The following OXR1 variants were observed in gnomAD, a reference collection of about 807,000 sequenced individuals.
The protein encoded by OXR1 is oxidation resistance 1.
Under a neutral mutation model 104.6 loss-of-function variants are expected in OXR1, and 41 were observed. The observed-to-expected ratio is 0.39, with a 90% confidence interval of 0.31 to 0.51. The LOEUF (loss-of-function observed/expected upper bound fraction) is 0.51. Ranked by LOEUF, OXR1 falls within the 20% of genes least tolerant of loss-of-function variation. The pLI is 0.77. For missense variants in OXR1, 955 were observed against 1,031.9 expected (o/e 0.93, Z 1.02); for synonymous variants, 348 against 348.4 (o/e 1.00, Z 0.01).
At chr8:106,378,921 T>C (rs1817016925) in intron 2 of OXR1, among the ~76,000 whole-genome samples, 1 of 152,222 alleles carries the variant, frequency 6.6e-6, no homozygotes, top group Non-Finnish European at 1.5e-5. Flanking sequence ...CTGAGTCTTA[T>C]ACCCTTTTTC....
intron 7 of OXR1, chr8:106,697,475 C>T (rs2131327841): frequency 1.3e-6 from 2 of 1,599,396 alleles, no homozygotes; most frequent in Middle Eastern, 3.3e-4. Context: ...CCTGAGATGC[C>T]CCCCATCTGT....
At chr8:106,508,098 CT>C (rs551919456) in intron 2 of OXR1, among the ~76,000 whole-genome samples, 229 of 152,230 alleles carry the variant, frequency 1.5e-3, no homozygotes, top group African/African-American at 4.5e-3. Context: ...TCCTTGCCCC[CT>C]GTGTCTATTT....
chr8:106,752,396 A>T lies in OXR1; in HGVS notation c.*1455A>T, dbSNP rs1435556592. On this transcript the variant is annotated 3_prime_UTR_variant, in exon 17 of 17. Transcript: ENST00000517566. The stretch of plus-strand genomic sequence containing the variant: ...TAGATAATTATTTAAAGAAAGCATA[A>T]TGCTAATGGAAAAGAAAATCTGATG... 2.0e-5 allele frequency: 3 copies of T among 152,546 alleles called. No individual in the cohort carries two copies. Among genetic ancestry groups the T allele is most frequent in the Non-Finnish European group, 4.4e-5 (3 of 67,940 alleles). The allele number at this position is 152,546 out of a possible 1,614,324, so 9.4% of individuals were successfully genotyped here. A position where few individuals can be genotyped will look rare whatever the true frequency, so the allele number is the denominator to read the frequency against.
At chr8:106,469,033 GT>G (rs747861668) in intron 2 of OXR1, among the ~76,000 whole-genome samples, 3 of 126,754 alleles carry the variant, frequency 2.4e-5, no homozygotes, top group Middle Eastern at 3.9e-3. Flanking sequence ...TGTTGTTGTT[GT>G]TGTGTGTGTG....
intron 2 of OXR1, among the ~76,000 whole-genome samples, chr8:106,449,431 C>G (rs1820194134): frequency 6.6e-6 from 1 of 152,174 alleles, no homozygotes; most frequent in South Asian, 2.1e-4. Flanking sequence ...CACTTCTACT[C>G]AAAGCCAAAG....
At chr8:106,452,297 C>T (rs1471651837) in intron 2 of OXR1, among the ~76,000 whole-genome samples, 1 of 152,110 alleles carries the variant, frequency 6.6e-6, no homozygotes, top group Non-Finnish European at 1.5e-5. Flanking sequence ...TAAGTCTGAA[C>T]TTAAAGACAG....
intron 1 of OXR1, among the ~76,000 whole-genome samples, chr8:106,335,263 C>T (rs1814910800): frequency 1.3e-5 from 2 of 152,076 alleles, no homozygotes; most frequent in African/African-American, 4.8e-5. Flanking sequence ...GCTTTCTATC[C>T]TCCACTTTCC....
At chr8:106,285,025 T>A (rs944576838) in intron 1 of OXR1, among the ~76,000 whole-genome samples, 1 of 152,176 alleles carries the variant, frequency 6.6e-6, no homozygotes, top group Non-Finnish European at 1.5e-5. Context: ...TGTGCAGGTT[T>A]GTTACATATG....
intron 3 of OXR1, among the ~76,000 whole-genome samples, chr8:106,670,533 A>T (rs961623262): frequency 6.6e-6 from 1 of 152,182 alleles, no homozygotes; most frequent in African/African-American, 2.4e-5. Flanking sequence ...GAGAATTTTG[A>T]CCTGATTAAG....
At chr8:106,494,337 G>T in intron 2 of OXR1, among the ~76,000 whole-genome samples, 1 of 152,130 alleles carries the variant, frequency 6.6e-6, no homozygotes, top group Non-Finnish European at 1.5e-5. Flanking sequence ...ACTTAAAGCT[G>T]ATTATATTGT....
intron 2 of OXR1, among the ~76,000 whole-genome samples, chr8:106,427,091 C>T (rs941202040): frequency 1.3e-5 from 2 of 152,148 alleles, no homozygotes; most frequent in African/African-American, 4.8e-5. Context: ...CAGGGCAAAG[C>T]TTCTTAGAAG....
chr8:106,585,473 T>C (rs1277036285), intron 3 of OXR1, among the ~76,000 whole-genome samples: 1 of 152,184 alleles, frequency 6.6e-6, no homozygotes, highest in Non-Finnish European at 1.5e-5. Context: ...TTGAATTCAG[T>C]ACTCTTTTAA....
chr8:106,713,184 A>G (rs768376507), intron 10 of OXR1, among the ~76,000 whole-genome samples: 5 of 152,004 alleles, frequency 3.3e-5, no homozygotes, highest in Admixed American at 6.6e-5. Flanking sequence ...TGAAAGTTAT[A>G]TAATCAATTT....
At chr8:106,358,459 A>T (rs1816080252) in intron 1 of OXR1, among the ~76,000 whole-genome samples, 1 of 152,136 alleles carries the variant, frequency 6.6e-6, no homozygotes, top group African/African-American at 2.4e-5. Flanking sequence ...ATGTGCCTTT[A>T]TTAGAACACT....
intron 1 of OXR1, among the ~76,000 whole-genome samples, chr8:106,311,767 G>A (rs909912182): frequency 6.6e-6 from 1 of 152,088 alleles, no homozygotes; most frequent in African/African-American, 2.4e-5. Context: ...TCTGATTTCT[G>A]TCAAGTGAAT....
At chr8:106,383,295 A>G (rs983875717) in intron 2 of OXR1, among the ~76,000 whole-genome samples, 3 of 152,192 alleles carry the variant, frequency 2.0e-5, no homozygotes, top group African/African-American at 4.8e-5. Context: ...TGAGTTTCAC[A>G]TAGTTAACAT....
chr8:106,506,526 T>A (rs1191817240), intron 2 of OXR1, among the ~76,000 whole-genome samples: 3 of 151,946 alleles, frequency 2.0e-5, no homozygotes, highest in Non-Finnish European at 1.5e-5. Flanking sequence ...GGCAGGAGAA[T>A]GTTGTGAACC....
intron 2 of OXR1, among the ~76,000 whole-genome samples, chr8:106,479,216 A>T (rs1005074039): frequency 6.6e-6 from 1 of 152,000 alleles, no homozygotes; most frequent in Non-Finnish European, 1.5e-5. Context: ...ATACAGTGTT[A>T]GTATCTGTCT....
intron 3 of OXR1, among the ~76,000 whole-genome samples, chr8:106,571,541 A>G (rs1817471371): frequency 6.6e-6 from 1 of 152,144 alleles, no homozygotes; most frequent in South Asian, 2.1e-4. Flanking sequence ...AATTCACTCC[A>G]CAGCATTCCT....
Sources: allele counts gnomAD v4.1 joint callset (sites outside exome capture counted in the v4.1 genomes callset), GRCh38; gene constraint gnomAD v4.1.1; transcripts MANE v1.5; gene names NCBI Gene and HGNC (gene_info 2026-07-23, HGNC 2026-07-21).